CASZ1: variants seen among roughly 807,000 people sequenced by gnomAD.
CASZ1 encodes the protein zinc finger protein castor homolog 1.
Under a neutral mutation model 135.2 loss-of-function variants are expected in CASZ1, and 28 were observed. The ratio of observed to expected loss-of-function variants is 0.21; its 90% CI spans 0.15 to 0.28. The LOEUF is 0.28. Among genes scored for constraint, CASZ1 ranks in the 10% least tolerant of loss-of-function variants. The pLI is 1.00. For missense variants in CASZ1, 2,161 were observed against 2,453.3 expected (o/e 0.88, Z 2.52); for synonymous variants, 1,068 against 1,073.4 (o/e 0.99, Z 0.10).
intron 1 of CASZ1, among the ~76,000 whole-genome samples, chr1:10,778,444 A>G (rs1263084686): frequency 6.6e-6 from 1 of 152,118 alleles, no homozygotes; most frequent in Non-Finnish European, 1.5e-5. Context: ...ATCCTCATAC[A>G]ATCTCATACA....
At chr1:10,663,268 G>A (rs1373529678) in intron 5 of CASZ1, among the ~76,000 whole-genome samples, 7 of 152,190 alleles carry the variant, frequency 4.6e-5, no homozygotes, top group African/African-American at 7.2e-5. Context: ...TGGGCCTGGG[G>A]AGGGGAGGAC....
At chr1:10,715,423 G>A (rs554153745) in intron 2 of CASZ1, among the ~76,000 whole-genome samples, 1 of 151,940 alleles carries the variant, frequency 6.6e-6, no homozygotes, top group Non-Finnish European at 1.5e-5. Context: ...GGGACAAGGA[G>A]CCTGGGAGCA....
intron 2 of CASZ1, among the ~76,000 whole-genome samples, chr1:10,758,316 TTC>T (rs141247615): frequency 6.8e-5 from 7 of 103,406 alleles, no homozygotes; most frequent in African/African-American, 2.1e-4. Context: ...CCAGACCCTC[TTC>T]TCTCTCTCTC....
intron 2 of CASZ1, among the ~76,000 whole-genome samples, chr1:10,740,206 C>T (rs1380670030): frequency 6.6e-6 from 1 of 152,226 alleles, no homozygotes; most frequent in African/African-American, 2.4e-5. Flanking sequence ...TGCCCAATGT[C>T]TCACAGTGGC....
intron 1 of CASZ1, among the ~76,000 whole-genome samples, chr1:10,785,226 CCTTT>C (rs145915116): frequency 1.4e-5 from 2 of 144,890 alleles, no homozygotes; most frequent in East Asian, 2.0e-4. Flanking sequence ...TCCTTATCTT[CCTTT>C]CTTTCTTTCC....
chr1:10,681,217 TGAA>T (rs954927854), intron 4 of CASZ1, among the ~76,000 whole-genome samples: 1 of 151,726 alleles, frequency 6.6e-6, no homozygotes, highest in Non-Finnish European at 1.5e-5. Context: ...TTTTTTTCCT[TGAA>T]GTCTTTTATC....
At chr1:10,678,488 C>A (rs965956301) in intron 4 of CASZ1, among the ~76,000 whole-genome samples, 1 of 136,812 alleles carries the variant, frequency 7.3e-6, no homozygotes, top group African/African-American at 2.5e-5. Context: ...GGGGCAGCAC[C>A]GCCCCCGCGA....
At position 10,721,396 on chromosome 1, in the gene CASZ1, C is replaced by A. The variant is rs1639493600; in HGVS notation, c.-76-15852G>T. ...CTCCGATCCAATTAATATGCAAATG[C>A]AGGAGAGGATTTATTTGTGACATTC... is the stretch of plus-strand genomic sequence containing the variant. On this transcript the variant is annotated intron_variant, in intron 2 of 20. Transcript: ENST00000377022. This position sits in a 1 kb window ranked among gnomAD's most constrained non-coding sequence, Gnocchi z 5.4. Among the ~76,000 whole-genome samples, 1 of 152,148 alleles carries A rather than the reference C, an allele frequency of 6.6e-6. No homozygotes were observed. Among genetic ancestry groups the A allele is most frequent in the African/African-American group, 2.4e-5 (1 of 41,416 alleles).
intron 4 of CASZ1, among the ~76,000 whole-genome samples, chr1:10,678,971 G>A (rs1473330459): frequency 1.3e-5 from 2 of 152,116 alleles, no homozygotes; most frequent in Non-Finnish European, 2.9e-5. Flanking sequence ...TGGGCCCCTG[G>A]CAGGACAGAC....
chr1:10,693,928 C>A lies in CASZ1; in HGVS notation c.-23-16G>T. ...GTCCCAAACTCTTCGCAGAACGCCACCAGGGGAAGACCGGGAGAGAAGAAA... is the reference window on the plus strand; with the variant it reads ...GTCCCAAACTCTTCGCAGAACGCCAACAGGGGAAGACCGGGAGAGAAGAAA... On this transcript the variant is annotated splice_polypyrimidine_tract_variant and intron_variant, in intron 3 of 20. Transcript: ENST00000377022. The A allele has an allele frequency of 1.2e-6, 2 of 1,611,758 alleles. No individual in the cohort carries two copies. The highest frequency in any genetic ancestry group is 1.7e-6 in the Non-Finnish European group (2 of 1,178,566).
rs879286442 is a variant in CASZ1 at position 10,700,068 on chromosome 1, A to T, written c.-24+5424T>A. 2.6e-5 allele frequency among the ~76,000 whole-genome samples: 2 copies of T among 78,362 alleles called. No individual in the cohort carries two copies. The highest frequency in any genetic ancestry group is 2.4e-4 in the Admixed American group (2 of 8,420). 51.4% of individuals were successfully genotyped at this position (78,362 alleles called of 152,430 possible). ...AGAGAGAAAGAGAGACAGAGAGAGA[A>T]AGAGAGATAGAGACACACACACACA... On this transcript the variant is annotated intron_variant, in intron 3 of 20. Transcript: ENST00000377022. The surrounding 1 kb of genome is among the most constrained non-coding windows in gnomAD (Gnocchi z 4.2).
At position 10,709,023 on chromosome 1, in the gene CASZ1, G is replaced by A. The variant is rs1639232045; in HGVS notation, c.-76-3479C>T. ...AGGGAGTGCCACGAGAGATGGGACG[G>A]GGGAGAGTGACAGGCGGAGAAGTGG... On this transcript the variant is annotated intron_variant, in intron 2 of 20. Coordinates refer to ENST00000377022, the MANE Select transcript of CASZ1 (RefSeq NM_001079843.3). This position sits in a 1 kb window ranked among gnomAD's most constrained non-coding sequence, Gnocchi z 5.1. Among the ~76,000 whole-genome samples the A allele has an allele frequency of 6.6e-6, 1 of 151,720 alleles. No homozygotes were observed. The highest frequency in any genetic ancestry group is 1.5e-5 in the Non-Finnish European group (1 of 67,904).
Position 10,647,626 on chromosome 1 carries a change from G to A in CASZ1, c.3497+175C>T. 6.9e-7 allele frequency: 1 copy of A among 1,458,404 alleles called. No homozygotes were observed. The highest frequency in any genetic ancestry group is 2.4e-5 in the Admixed American group (1 of 41,932). The allele number at this position is 1,458,404 out of a possible 1,614,324, so 90.3% of individuals were successfully genotyped here. On this transcript the variant is annotated intron_variant, in intron 16 of 20. Coordinates refer to ENST00000377022, the MANE Select transcript of CASZ1 (RefSeq NM_001079843.3). The surrounding 1 kb of genome is among the most constrained non-coding windows in gnomAD (Gnocchi z 4.9). ...TGGCCTGCTCTGGGACAGGCAGTGA[G>A]GTAGGAGCAGCAGCATCTTTGGCTA...
At chr1:10,661,668 G>A (rs555610256) in intron 5 of CASZ1, among the ~76,000 whole-genome samples, 11 of 137,232 alleles carry the variant, frequency 8.0e-5, no homozygotes, top group African/African-American at 2.0e-4. Flanking sequence ...ACATTCACAC[G>A]ATCACATACA....
intron 1 of CASZ1, among the ~76,000 whole-genome samples, chr1:10,795,533 C>T (rs1641048539): frequency 6.6e-6 from 1 of 152,148 alleles, no homozygotes; most frequent in African/African-American, 2.4e-5. Flanking sequence ...AGCCCGCCAG[C>T]CCAGCGTCCC....
rs987185470 is a variant in CASZ1, at chr1:10,756,062, C to T, written c.-77+4639G>A. Among the ~76,000 whole-genome samples the T allele has an allele frequency of 3.9e-5, 6 of 152,144 alleles. No individual in the cohort carries two copies. The East Asian group carries it at 7.7e-4, about 20-fold the overall frequency. On this transcript the variant is annotated intron_variant, in intron 2 of 20. Coordinates refer to ENST00000377022, the MANE Select transcript of CASZ1 (RefSeq NM_001079843.3). The surrounding 1 kb of genome is among the most constrained non-coding windows in gnomAD (Gnocchi z 5.9). ...ACCCGGACACACCCTCCCCCAGGGC[C>T]GGCCCAGTGTTCTGAGGCCTGGCAG...
chr1:10,753,611 G>A (rs1391605680), intron 2 of CASZ1, among the ~76,000 whole-genome samples: 2 of 152,188 alleles, frequency 1.3e-5, no homozygotes, highest in Non-Finnish European at 2.9e-5. Flanking sequence ...AGGGAGGCGG[G>A]TGGGGGTCTG....
rs1338077130 is a variant in CASZ1, at chr1:10,679,851, G to C, written c.16+14023C>G. 6.6e-6 allele frequency among the ~76,000 whole-genome samples: 1 copy of C among 152,230 alleles called. No individual in the cohort carries two copies. The highest frequency in any genetic ancestry group is 1.5e-5 in the Non-Finnish European group (1 of 68,040). ...TACAGTAAAACCTGGCTCCGGATCT[G>C]CAGGGGCAGCAGGCCAAGTCCCAGC... On this transcript the variant is annotated intron_variant, in intron 4 of 20. Coordinates refer to ENST00000377022, the MANE Select transcript of CASZ1 (RefSeq NM_001079843.3). This position sits in a 1 kb window ranked among gnomAD's most constrained non-coding sequence, Gnocchi z 4.7.
rs1173145227 is a variant in CASZ1 at position 10,701,948 on chromosome 1, T to G, written c.-24+3544A>C. Among the ~76,000 whole-genome samples, 2 of 152,210 alleles carry G rather than the reference T, an allele frequency of 1.3e-5. No homozygotes were observed. Among genetic ancestry groups the G allele is most frequent in the Non-Finnish European group, 2.9e-5 (2 of 68,018 alleles). Reference sequence around the variant, plus strand: ...CCCCGTTGGGCTGAGCCATCCTGCCTACTGAGGCTTCTCTTGGGCTTCCGG... The same window carrying G: ...CCCCGTTGGGCTGAGCCATCCTGCCGACTGAGGCTTCTCTTGGGCTTCCGG... On this transcript the variant is annotated intron_variant, in intron 3 of 20. Coordinates refer to ENST00000377022, the MANE Select transcript of CASZ1 (RefSeq NM_001079843.3). This position sits in a 1 kb window ranked among gnomAD's most constrained non-coding sequence, Gnocchi z 6.3.
Sources: allele counts gnomAD v4.1 joint callset (sites outside exome capture counted in the v4.1 genomes callset), GRCh38; gene constraint gnomAD v4.1.1; non-coding constraint Gnocchi (gnomAD v3.1); transcripts MANE v1.5; gene names NCBI Gene and HGNC (gene_info 2026-07-23, HGNC 2026-07-21).